Variants in MEGF11 observed in about 807,000 individuals in gnomAD.
MEGF11 encodes multiple epidermal growth factor-like domains protein 11.
In MEGF11, 126 loss-of-function variants were observed where a neutral mutation model predicts 146.6. The observed-to-expected ratio is 0.86, with a 90% confidence interval of 0.74 to 1.00. MEGF11 has a LOEUF of 1.00. Ranked by LOEUF, MEGF11 falls within the 50% of genes least tolerant of loss-of-function variation. MEGF11 has a pLI of 0.00. For missense variants in MEGF11, 1,509 were observed against 1,521.2 expected (o/e 0.99, Z 0.13); for synonymous variants, 532 against 583.4 (o/e 0.91, Z 1.27).
chr15:66,225,612 C>G (rs909753209), intron 1 of MEGF11, among the ~76,000 whole-genome samples: 2 of 152,178 alleles, frequency 1.3e-5, no homozygotes, highest in African/African-American at 4.8e-5. Flanking sequence ...TGTTTACAAG[C>G]ACACATTCAC....
intron 14 of MEGF11, 142 bp downstream of exon 14, chr15:65,922,681 G>T: frequency 8.0e-7 from 1 of 1,257,422 alleles, no homozygotes; most frequent in Middle Eastern, 2.0e-4. Flanking sequence ...GGACAGAACT[G>T]CAGAGGGAGA....
intron 1 of MEGF11, among the ~76,000 whole-genome samples, chr15:66,233,675 T>C (rs2092022079): frequency 6.6e-6 from 1 of 152,144 alleles, no homozygotes; most frequent in African/African-American, 2.4e-5. Flanking sequence ...GTGCCCCACT[T>C]CTGTCTAGGT....
chr15:66,228,831 G>A (rs887670991), intron 1 of MEGF11, among the ~76,000 whole-genome samples: 1 of 152,092 alleles, frequency 6.6e-6, no homozygotes, highest in Non-Finnish European at 1.5e-5. Flanking sequence ...TTGGGTAGTG[G>A]GGCACGCCAC....
intron 1 of MEGF11, among the ~76,000 whole-genome samples, chr15:66,195,563 A>G (rs1315355233): frequency 6.6e-6 from 1 of 152,158 alleles, no homozygotes; most frequent in East Asian, 1.9e-4. Flanking sequence ...AAGAAGGGAG[A>G]GCAAATACAG....
chr15:66,088,613 C>T (rs2086206054), intron 5 of MEGF11, among the ~76,000 whole-genome samples: 2 of 151,718 alleles, frequency 1.3e-5, no homozygotes, highest in Admixed American at 1.3e-4. Flanking sequence ...CGAGATTGCA[C>T]CACTGCACCC....
chr15:66,068,845 A>G (rs1473418517), intron 5 of MEGF11, among the ~76,000 whole-genome samples: 1 of 152,230 alleles, frequency 6.6e-6, no homozygotes, highest in African/African-American at 2.4e-5. Flanking sequence ...ATGAGGCACA[A>G]CAAACTCTGT....
intron 5 of MEGF11, among the ~76,000 whole-genome samples, chr15:66,068,997 T>G (rs942003755): frequency 6.6e-6 from 1 of 152,332 alleles, no homozygotes; most frequent in South Asian, 2.1e-4. Context: ...GGCAGTGTGC[T>G]TGGTCACTGG....
chr15:65,922,310 C>T lies in MEGF11; in HGVS notation c.1957+28G>A, dbSNP rs754784687. On this transcript the variant is annotated intron_variant, in intron 15 of 25. Transcript: ENST00000395614. ...CCTCCCAGAACCTCTCACCTCCCCA[C>T]CCAGTACCTTCCCACTGGAGACAGT... 5.6e-6 allele frequency: 9 copies of T among 1,602,548 alleles called. No homozygotes were observed. In the East Asian group the frequency reaches 1.8e-4, roughly 32 times the overall value.
intron 1 of MEGF11, among the ~76,000 whole-genome samples, chr15:66,140,658 C>A (rs375125695): frequency 6.6e-6 from 1 of 152,196 alleles, no homozygotes; most frequent in East Asian, 1.9e-4. Context: ...AAGCCAGAAG[C>A]TTGCTAAGCC....
At chr15:66,084,814 G>A (rs1267833255) in intron 5 of MEGF11, among the ~76,000 whole-genome samples, 2 of 152,154 alleles carry the variant, frequency 1.3e-5, no homozygotes, top group African/African-American at 4.8e-5. Context: ...ACTTGGGGGA[G>A]GGCACGAATC....
chr15:66,061,188 G>A (rs1462447509), intron 5 of MEGF11, among the ~76,000 whole-genome samples: 1 of 152,188 alleles, frequency 6.6e-6, no homozygotes, highest in Non-Finnish European at 1.5e-5. Context: ...TTTGGATCAG[G>A]GCCAAGGGGT....
chr15:66,060,205 G>T (rs1251788863), intron 5 of MEGF11, among the ~76,000 whole-genome samples: 6 of 151,848 alleles, frequency 4.0e-5, no homozygotes, highest in African/African-American at 1.5e-4. Flanking sequence ...GGATGGAGGG[G>T]GAAAGAGAAG....
At chr15:66,024,297 C>A (rs1038388874) in intron 5 of MEGF11, among the ~76,000 whole-genome samples, 2 of 152,264 alleles carry the variant, frequency 1.3e-5, no homozygotes, top group African/African-American at 4.8e-5. Context: ...AATTCTGAAC[C>A]TGCAGTCAGC....
chr15:66,194,209 A>G, intron 1 of MEGF11, among the ~76,000 whole-genome samples: 1 of 152,236 alleles, frequency 6.6e-6, no homozygotes. Flanking sequence ...CCTGGATGGA[A>G]CTGGAGACCT....
chr15:65,949,730 A>T (rs2080325570), intron 10 of MEGF11, among the ~76,000 whole-genome samples: 1 of 152,210 alleles, frequency 6.6e-6, no homozygotes, highest in Non-Finnish European at 1.5e-5. Flanking sequence ...GGTCTGAGAA[A>T]TCAAGTTTTT....
chr15:66,002,802 G>A (rs182564333), intron 5 of MEGF11, among the ~76,000 whole-genome samples: 9 of 152,218 alleles, frequency 5.9e-5, no homozygotes, highest in African/African-American at 2.2e-4. Flanking sequence ...AGAGGTTGAG[G>A]AGGAGGATGT....
chr15:66,167,262 A>G (rs2141099088), intron 1 of MEGF11, among the ~76,000 whole-genome samples: 1 of 152,292 alleles, frequency 6.6e-6, no homozygotes, highest in East Asian at 1.9e-4. Flanking sequence ...GACAACCCAG[A>G]GGGAGACTCC....
At position 65,917,284 on chromosome 15, in the gene MEGF11, G is replaced by A. The variant is rs550386792; in HGVS notation, c.2087-328C>T. Among the ~76,000 whole-genome samples the A allele has an allele frequency of 1.3e-4, 20 of 152,244 alleles. No individual in the cohort carries two copies. The South Asian group carries it at 2.3e-3, about 17-fold the overall frequency. On this transcript the variant is annotated intron_variant, in intron 16 of 25. Transcript: ENST00000395614. Reference sequence around the variant, plus strand: ...GTAAACACTGTGGTTTACCGTGTATGTACTGTGTGTGTTTCCCCATGAGAA... The same window carrying A: ...GTAAACACTGTGGTTTACCGTGTATATACTGTGTGTGTTTCCCCATGAGAA...
chr15:66,194,021 G>A (rs1026281522), intron 1 of MEGF11, among the ~76,000 whole-genome samples: 6 of 152,088 alleles, frequency 3.9e-5, no homozygotes, highest in Admixed American at 3.3e-4. Context: ...AGGAAAAGAA[G>A]TCATTATACA....
Sources: gnomAD v4.1 joint callset for allele counts (sites outside exome capture counted in the v4.1 genomes callset) on GRCh38, gnomAD v4.1.1 for gene constraint, MANE v1.5 for transcripts, NCBI Gene and HGNC (gene_info 2026-07-23, HGNC 2026-07-21) for gene names.